ZFAND6: variants seen among roughly 807,000 people sequenced by gnomAD.
ZFAND6 encodes the protein AN1-type zinc finger protein 6.
Under a neutral mutation model 24.5 loss-of-function variants are expected in ZFAND6, and 12 were observed. That is an observed-to-expected ratio of 0.49 (90% CI 0.31 to 0.79). The LOEUF (loss-of-function observed/expected upper bound fraction) is 0.79. Among genes scored for constraint, ZFAND6 ranks in the 30% least tolerant of loss-of-function variants. The pLI is 0.04. For synonymous variants in ZFAND6, 92 were observed against 81.5 expected, an observed-to-expected ratio of 1.13 and a Z score of -0.69; for missense variants, 207 against 245.9, an observed-to-expected ratio of 0.84 and a Z score of 1.06.
intron 1 of ZFAND6, among the ~76,000 whole-genome samples, chr15:80,067,291 T>G (rs2036701479): frequency 6.6e-6 from 1 of 152,210 alleles, no homozygotes; most frequent in South Asian, 2.1e-4. Flanking sequence ...ATATATTATT[T>G]TACCTCTTGT....
chr15:80,097,523 C>T (rs1032800101), intron 1 of ZFAND6, among the ~76,000 whole-genome samples: 1 of 151,970 alleles, frequency 6.6e-6, no homozygotes, highest in African/African-American at 2.4e-5. Context: ...TGGTTGGGTG[C>T]CTGTAGTCCC....
chr15:80,072,624 CAG>C (rs1308903042), intron 1 of ZFAND6: 3 of 152,026 alleles, frequency 2.0e-5, no homozygotes, highest in South Asian at 2.1e-4. Flanking sequence ...GTGAAGCAAA[CAG>C]AAAATTGTGG....
intron 1 of ZFAND6, among the ~76,000 whole-genome samples, chr15:80,085,257 A>G (rs1480962611): frequency 6.6e-6 from 1 of 152,106 alleles, no homozygotes; most frequent in Non-Finnish European, 1.5e-5. Flanking sequence ...TACGTGGTTT[A>G]AGTTCTTCAC....
chr15:80,109,545 C>T (rs1041967576), intron 2 of ZFAND6, among the ~76,000 whole-genome samples: 2 of 152,134 alleles, frequency 1.3e-5, no homozygotes, highest in Non-Finnish European at 2.9e-5. Flanking sequence ...AAATACCTGT[C>T]ATACCCAGCA....
At chr15:80,091,744 G>A (rs1450556131) in intron 1 of ZFAND6, among the ~76,000 whole-genome samples, 2 of 152,148 alleles carry the variant, frequency 1.3e-5, no homozygotes, top group African/African-American at 4.8e-5. Context: ...GACTGAAGCA[G>A]TCCTCTTGCC....
intron 2 of ZFAND6, among the ~76,000 whole-genome samples, chr15:80,110,444 A>G (rs2039552190): frequency 6.6e-6 from 1 of 152,226 alleles, no homozygotes. Flanking sequence ...AGAGATATAC[A>G]GTAGTATTAG....
rs2036530499 is a variant in ZFAND6, at chr15:80,064,893, A to G, written c.-181+5084A>G. 1.3e-5 allele frequency among the ~76,000 whole-genome samples: 2 copies of G among 151,814 alleles called. 1 individual carries two copies. The highest frequency in any genetic ancestry group is 4.2e-4 in the South Asian group (2 of 4,818). ...GCAATTTACCTGCCTTGGCCTCCCT[A>G]AGTGCTGGGATTACAGGTATGAGCC... is the stretch of plus-strand genomic sequence containing the variant. On this transcript the variant is annotated intron_variant, in intron 1 of 6. Transcript: ENST00000261749.
chr15:80,113,786 T>C (rs776952409), intron 2 of ZFAND6, among the ~76,000 whole-genome samples: 3 of 127,078 alleles, frequency 2.4e-5, no homozygotes, highest in Non-Finnish European at 5.1e-5. Flanking sequence ...AACAGAGTTG[T>C]ATACCAGTGA....
At chr15:80,069,243 T>G (rs2036836515) in intron 1 of ZFAND6, among the ~76,000 whole-genome samples, 1 of 152,226 alleles carries the variant, frequency 6.6e-6, no homozygotes, top group Admixed American at 6.5e-5. Flanking sequence ...ACATGAAAAT[T>G]TATGACTTAA....
chr15:80,132,676 T>C (rs577511325), intron 6 of ZFAND6, among the ~76,000 whole-genome samples: 8 of 152,352 alleles, frequency 5.3e-5, no homozygotes, highest in African/African-American at 1.9e-4. Context: ...TAATCTCTTG[T>C]GGTTCTCATG....
At chr15:80,070,342 T>C (rs1031973719) in intron 1 of ZFAND6, among the ~76,000 whole-genome samples, 1 of 152,232 alleles carries the variant, frequency 6.6e-6, no homozygotes, top group African/African-American at 2.4e-5. Context: ...AAAGTGTTGT[T>C]ACTGCATGCA....
chr15:80,078,046 G>A (rs997471433), intron 1 of ZFAND6, among the ~76,000 whole-genome samples: 2 of 152,052 alleles, frequency 1.3e-5, no homozygotes, highest in Non-Finnish European at 2.9e-5. Context: ...ATAGTCTTTT[G>A]CTATATTTTA....
At chr15:80,069,169 A>G (rs1435632256) in intron 1 of ZFAND6, among the ~76,000 whole-genome samples, 2 of 151,976 alleles carry the variant, frequency 1.3e-5, no homozygotes, top group Non-Finnish European at 2.9e-5. Context: ...TGGCCAGTCT[A>G]TTTTCTCTTA....
rs1400307582 is a variant in ZFAND6, at chr15:80,059,787, C to G, written c.-203C>G. 6.6e-6 allele frequency: 1 copy of G among 152,068 alleles called. No homozygotes were observed. Among genetic ancestry groups the G allele is most frequent in the South Asian group, 2.1e-4 (1 of 4,834 alleles). The allele number at this position is 152,068 out of a possible 1,614,324, so 9.4% of individuals were successfully genotyped here. The stretch of plus-strand genomic sequence containing the variant: ...CTACCGGCGGCGGCGCGCAGCGTGT[C>G]AGGCGGAGAGACCCGCCGCCAGGTG... On this transcript the variant is annotated 5_prime_UTR_variant, in exon 1 of 7. Transcript: ENST00000261749.
At chr15:80,117,343 C>T (rs2039925714) in intron 2 of ZFAND6, among the ~76,000 whole-genome samples, 1 of 150,982 alleles carries the variant, frequency 6.6e-6, no homozygotes, top group African/African-American at 2.4e-5. Flanking sequence ...CTGCCTCAGC[C>T]TCCTGAGGAG....
At chr15:80,089,269 T>G (rs991532892) in intron 1 of ZFAND6, among the ~76,000 whole-genome samples, 6 of 137,842 alleles carry the variant, frequency 4.4e-5, no homozygotes, top group African/African-American at 1.6e-4. Flanking sequence ...GTTTTTTTTT[T>G]TTTTTTTTTT....
chr15:80,118,761 C>T (rs1291297462), intron 2 of ZFAND6, among the ~76,000 whole-genome samples: 1 of 146,216 alleles, frequency 6.8e-6, no homozygotes, highest in African/African-American at 2.5e-5. Context: ...AGTTTTAGGA[C>T]TTTTTTTTTT....
intron 1 of ZFAND6, among the ~76,000 whole-genome samples, chr15:80,067,220 C>T (rs558190835): frequency 6.6e-6 from 1 of 152,294 alleles, no homozygotes; most frequent in South Asian, 2.1e-4. Context: ...GCTGCTTCCA[C>T]CCCTCCTGCC....
chr15:80,064,593 T>C (rs2036511234), intron 1 of ZFAND6, among the ~76,000 whole-genome samples: 1 of 114,116 alleles, frequency 8.8e-6, no homozygotes, highest in African/African-American at 3.4e-5. Flanking sequence ...CAAATATATA[T>C]ACACATGTAT....
Sources: gnomAD v4.1 joint callset for allele counts (sites outside exome capture counted in the v4.1 genomes callset) on GRCh38, gnomAD v4.1.1 for gene constraint, MANE v1.5 for transcripts, NCBI Gene and HGNC (gene_info 2026-07-23, HGNC 2026-07-21) for gene names.